CREM: variants seen among roughly 807,000 people sequenced by gnomAD.
The protein encoded by CREM is cAMP responsive element modulator.
In CREM, 13 loss-of-function variants were observed where a neutral mutation model predicts 37.3. That is an observed-to-expected ratio of 0.35 (90% CI 0.23 to 0.55). The LOEUF (loss-of-function observed/expected upper bound fraction) is 0.55. Ranked by LOEUF, CREM falls within the 20% of genes least tolerant of loss-of-function variation. The probability of loss-of-function intolerance (pLI) is 0.88; values close to 1 mark genes in which losing one functional copy is unlikely to be tolerated. For synonymous variants in CREM, 124 were observed against 120.2 expected (o/e 1.03, Z -0.21); for missense variants, 296 against 362.3 (o/e 0.82, Z 1.49).
intron 3 of CREM, among the ~76,000 whole-genome samples, chr10:35,174,646 C>T (rs973342350): frequency 1.3e-5 from 2 of 152,138 alleles, no homozygotes; most frequent in Admixed American, 1.3e-4. Context: ...TCATGATAGA[C>T]ACTGGTGACT....
In CREM at chr10:35,157,011, C is replaced by T. The variant is rs563076872; in HGVS notation, c.168+8520C>T. Among the ~76,000 whole-genome samples, 3 of 152,184 alleles carry T rather than the reference C, an allele frequency of 2.0e-5. No individual in the cohort carries two copies. The South Asian group carries it at 6.2e-4, about 32-fold the overall frequency. On this transcript the variant is annotated intron_variant, in intron 3 of 7. Coordinates refer to ENST00000685392, the MANE Select transcript of CREM (RefSeq NM_183011.2). ...AAATCCTTAACAAAATACTAGCAAA[C>T]CAAATTCAACAACATATTAAAAAGA...
intron 2 of CREM, among the ~76,000 whole-genome samples, chr10:35,147,815 T>A (rs2092286299): frequency 6.6e-6 from 1 of 152,248 alleles, no homozygotes; most frequent in Admixed American, 6.5e-5. Flanking sequence ...TGAGACATTT[T>A]GCAGTGCTCC....
At chr10:35,181,626 A>G (rs2094355519) in intron 5 of CREM, among the ~76,000 whole-genome samples, 2 of 152,140 alleles carry the variant, frequency 1.3e-5, no homozygotes, top group South Asian at 4.1e-4. Context: ...TAATCCCAGC[A>G]CTTTGGGAGG....
At chr10:35,156,655 G>A (rs924160112) in intron 3 of CREM, among the ~76,000 whole-genome samples, 18 of 152,298 alleles carry the variant, frequency 1.2e-4, no homozygotes, top group African/African-American at 4.1e-4. Flanking sequence ...GGAAATTTCT[G>A]CTTCATTGCA....
At position 35,211,828 on chromosome 10, in the gene CREM, C is replaced by A; in HGVS notation, c.*430C>A. 6.3e-7 allele frequency: 1 copy of A among 1,580,742 alleles called. No homozygotes were observed. Among genetic ancestry groups the A allele is most frequent in the Non-Finnish European group, 8.6e-7 (1 of 1,165,320 alleles). ...GAAATATTTAACTATGAACTGAAGG[C>A]AGCATGTATAGTTGCTTTTGAAGGA... On this transcript the variant is annotated 3_prime_UTR_variant, in exon 8 of 8. Transcript: ENST00000685392.
intron 7 of CREM, chr10:35,210,690 GTTTA>G (rs2095646589): frequency 6.6e-6 from 1 of 151,996 alleles, no homozygotes; most frequent in Non-Finnish European, 1.5e-5. Flanking sequence ...CACATCTTTT[GTTTA>G]TTGTTATGAT....
Position 35,188,205 on chromosome 10 carries a change from A to G in CREM, c.415A>G (p.Ile139Val), listed in dbSNP as rs757558527. Reference sequence around the variant, plus strand: ...TCTTTTCTTTTTCTGTTAAGTTGCTATAGCCCAAGGTGGAACAATCCAGAT... The same window carrying G: ...TCTTTTCTTTTTCTGTTAAGTTGCTGTAGCCCAAGGTGGAACAATCCAGAT... ...YQTSTGQYIA[I>V]AQGGTIQISN... The change falls in exon 6 of 8, where the codon ATA becomes GTA. Residue 139 changes from isoleucine to valine, a missense_variant. Physicochemically the swap from Ile to Val is conservative, Grantham distance 29. Transcript: ENST00000685392. 36 of 1,601,848 alleles carry G rather than the reference A, an allele frequency of 2.2e-5. No individual in the cohort carries two copies. In the East Asian group the frequency reaches 4.2e-4, roughly 19 times the overall value.
intron 3 of CREM, among the ~76,000 whole-genome samples, chr10:35,172,582 T>G: frequency 6.6e-6 from 1 of 152,132 alleles, no homozygotes; most frequent in East Asian, 1.9e-4. Context: ...GTTTTTTTTT[T>G]TTTAAGTCAG....
intron 3 of CREM, among the ~76,000 whole-genome samples, chr10:35,162,788 G>A (rs985416063): frequency 2.0e-5 from 3 of 152,224 alleles, no homozygotes; most frequent in African/African-American, 7.2e-5. Flanking sequence ...AGCAAATTTG[G>A]TTGAAAAAGC....
At chr10:35,139,763 G>A (rs2091177021) in intron 2 of CREM, among the ~76,000 whole-genome samples, 1 of 152,160 alleles carries the variant, frequency 6.6e-6, no homozygotes, top group Non-Finnish European at 1.5e-5. Flanking sequence ...CAATTTTAAT[G>A]TATTTAGCTA....
At chr10:35,148,264 G>T in intron 2 of CREM, 104 bp from the exon 3 acceptor site, 1 of 1,151,516 alleles carries the variant, frequency 8.7e-7, no homozygotes, top group Non-Finnish European at 1.2e-6. Context: ...TTCAGATTTT[G>T]GAGCATTTCA....
At chr10:35,133,219 G>C (rs916599764) in intron 1 of CREM, among the ~76,000 whole-genome samples, 2 of 151,774 alleles carry the variant, frequency 1.3e-5, no homozygotes, top group Admixed American at 6.6e-5. Context: ...AACTTAGATT[G>C]TTTGGCAAGT....
At chr10:35,127,871 G>A (rs1430499817) in intron 1 of CREM, among the ~76,000 whole-genome samples, 1 of 151,132 alleles carries the variant, frequency 6.6e-6, no homozygotes, top group African/African-American at 2.4e-5. Context: ...TTTTTGAGAC[G>A]GAGTCTTGCT....
chr10:35,165,060 A>AAAAAAAG (rs1464116406), intron 3 of CREM, among the ~76,000 whole-genome samples: 2 of 146,172 alleles, frequency 1.4e-5, no homozygotes. Flanking sequence ...CCATCTCAAA[A>AAAAAAAG]AAAAAAAAAA....
intron 2 of CREM, among the ~76,000 whole-genome samples, chr10:35,147,204 C>T (rs960078159): frequency 7.3e-5 from 11 of 151,622 alleles, no homozygotes; most frequent in East Asian, 1.9e-4. Context: ...GCGCCTACCA[C>T]GGTGGCGCCC....
At chr10:35,131,285 A>G (rs2135389533) in intron 1 of CREM, among the ~76,000 whole-genome samples, 1 of 152,352 alleles carries the variant, frequency 6.6e-6, no homozygotes, top group African/African-American at 2.4e-5. Flanking sequence ...ATTTTCCCTG[A>G]GAATTTCACA....
chr10:35,156,324 C>T (rs560741675), intron 3 of CREM, among the ~76,000 whole-genome samples: 1 of 152,128 alleles, frequency 6.6e-6, no homozygotes, highest in Non-Finnish European at 1.5e-5. Flanking sequence ...TCGTGACTCA[C>T]TGCAGCCTCA....
At chr10:35,138,184 G>C (rs901489915) in intron 2 of CREM, among the ~76,000 whole-genome samples, 1 of 152,208 alleles carries the variant, frequency 6.6e-6, no homozygotes, top group African/African-American at 2.4e-5. Flanking sequence ...AGAATCCCCA[G>C]GGTTTTATTC....
intron 7 of CREM, among the ~76,000 whole-genome samples, chr10:35,208,013 A>G (rs1389933412): frequency 6.6e-6 from 1 of 152,214 alleles, no homozygotes. Flanking sequence ...GCTATTTTGT[A>G]TTTAGTATTT....
Sources: allele counts gnomAD v4.1 joint callset (sites outside exome capture counted in the v4.1 genomes callset), GRCh38; gene constraint gnomAD v4.1.1; transcripts MANE v1.5; gene names NCBI Gene and HGNC (gene_info 2026-07-23, HGNC 2026-07-21).